Variants in XRN2 observed in about 807,000 individuals in gnomAD.
XRN2 encodes the protein DHM1-like protein.
A neutral mutation model predicts 138.5 loss-of-function variants in XRN2; 44 were observed. The observed-to-expected ratio is 0.32, with a 90% confidence interval of 0.25 to 0.41. XRN2 has a LOEUF of 0.41. Among genes scored for constraint, XRN2 ranks in the 10% least tolerant of loss-of-function variants. The probability of loss-of-function intolerance (pLI) is 1.00; values close to 1 mark genes in which losing one functional copy is unlikely to be tolerated. For missense variants in XRN2, 937 were observed against 1,169.3 expected, an observed-to-expected ratio of 0.80 and a Z score of 2.90; for synonymous variants, 354 against 369.4, an observed-to-expected ratio of 0.96 and a Z score of 0.48.
At position 21,328,665 on chromosome 20, in the gene XRN2, C is replaced by T. The variant is rs1470435743; in HGVS notation, c.422C>T (p.Ala141Val). The change falls in exon 4 of 30, where the codon GCA becomes GTA. Residue 141 changes from alanine to valine, a missense_variant. Physicochemically the swap from Ala to Val is moderately conservative, Grantham distance 64. This residue lies in a region of XRN2 where 471 missense variants were observed against 581.2 expected (regional missense o/e 0.81). Transcript: ENST00000377191. ...CAGCGAGTCAGGGAAGAAATATTGG[C>T]AAAAGGTAAAGAATATGCATCTTGA... ...EKQRVREEILAKGGFLPPEEI... is the reference protein window; with the variant it reads ...EKQRVREEILVKGGFLPPEEI... The T allele has an allele frequency of 6.2e-7, 1 of 1,612,960 alleles. No homozygotes were observed. The highest frequency in any genetic ancestry group is 1.6e-4 in the Middle Eastern group (1 of 6,062).
In XRN2 at chr20:21,326,382, A is replaced by G. The variant is rs745512832; in HGVS notation, c.179A>G (p.His60Arg). ...TATTTGGATATGAATGGAATCATCC[A>G]TCCCTGTACTCATCCTGAAGACAAG... The part of the protein sequence containing the change: ...NLYLDMNGII[H>R]PCTHPEDKPA... Residue 60 changes from histidine (H) to arginine (R), a missense_variant, in exon 2 of 30, where the codon CAT becomes CGT. By Grantham distance (29) the His-to-Arg change is conservative (BLOSUM62 0). Around this residue, in one of 6 missense-constraint regions of XRN2, gnomAD observed 51 missense variants for 93.5 expected, o/e 0.55. Coordinates refer to ENST00000377191, the MANE Select transcript of XRN2 (RefSeq NM_012255.5). 2 of 1,613,868 alleles carry G rather than the reference A, an allele frequency of 1.2e-6. No individual in the cohort carries two copies. Among genetic ancestry groups the G allele is most frequent in the Admixed American group, 1.7e-5 (1 of 60,016 alleles).
chr20:21,333,661 T>C, intron 10 of XRN2, 43 bp downstream of exon 10: 1 of 1,613,940 alleles, frequency 6.2e-7, no homozygotes, highest in South Asian at 1.1e-5. Context: ...TAAAGCAGGG[T>C]GCCTTTGATA....
chr20:21,385,622 T>C (rs6035864), intron 28 of XRN2, among the ~76,000 whole-genome samples: 131,196 of 152,206 alleles, frequency 0.86, 56,881 homozygotes, highest in East Asian at 0.98. Context: ...AGCAGTTCAT[T>C]TCTTCGAATC....
rs754308794 is a variant in XRN2, at chr20:21,330,661, A to C, written c.532A>C (p.Ile178Leu). 6.2e-7 allele frequency: 1 copy of C among 1,613,314 alleles called. No individual in the cohort carries two copies. Among genetic ancestry groups the C allele is most frequent in the Non-Finnish European group, 8.5e-7 (1 of 1,179,958 alleles). ...TCTTGCTAAATGCCTTCGCTATTAC[A>C]TAGCTGATCGTTTAAATAATGACCC... The part of the protein sequence containing the change: ...DNLAKCLRYY[I>L]ADRLNNDPGW... The change falls in exon 6 of 30, where the codon ATA becomes CTA. Residue 178 changes from isoleucine (I) to leucine (L), a missense_variant. This residue lies in a region of XRN2 where 471 missense variants were observed against 581.2 expected (regional missense o/e 0.81). Transcript: ENST00000377191.
At chr20:21,361,647 C>T (rs2038638219) in intron 24 of XRN2, among the ~76,000 whole-genome samples, 1 of 152,112 alleles carries the variant, frequency 6.6e-6, no homozygotes, top group Non-Finnish European at 1.5e-5. Context: ...CCACAAGTAA[C>T]CCTTTTGCTT....
intron 1 of XRN2, 155 bp downstream of exon 1, chr20:21,303,628 G>A (rs1415151007): frequency 7.4e-7 from 1 of 1,359,210 alleles, no homozygotes; most frequent in Non-Finnish European, 9.4e-7. Context: ...ACACGCGATG[G>A]GACGCGGGCT....
chr20:21,383,464 G>A (rs1283795199), intron 28 of XRN2, among the ~76,000 whole-genome samples: 3 of 152,148 alleles, frequency 2.0e-5, no homozygotes, highest in South Asian at 2.1e-4. Flanking sequence ...AATAGATGCT[G>A]TTATGTTTAC....
intron 1 of XRN2, chr20:21,303,774 T>C (rs2037773937): frequency 1.7e-6 from 2 of 1,160,230 alleles, no homozygotes; most frequent in Non-Finnish European, 2.1e-6. Flanking sequence ...GCCCACTGCT[T>C]TGTTTCCTCT....
chr20:21,353,608 C>T (rs1416560471), intron 20 of XRN2, among the ~76,000 whole-genome samples: 1 of 151,680 alleles, frequency 6.6e-6, no homozygotes, highest in East Asian at 1.9e-4. Flanking sequence ...CTGCGTAACA[C>T]AAGGAGACCT....
chr20:21,368,722 G>A (rs944179079), intron 27 of XRN2, 132 bp downstream of exon 27: 2 of 1,251,356 alleles, frequency 1.6e-6, no homozygotes, highest in Middle Eastern at 2.6e-4. Flanking sequence ...ATGTAAGTTA[G>A]AAGAGTTGTG....
At chr20:21,371,984 T>C (rs1347752192) in intron 27 of XRN2, among the ~76,000 whole-genome samples, 1 of 152,252 alleles carries the variant, frequency 6.6e-6, no homozygotes, top group Non-Finnish European at 1.5e-5. Context: ...TTTGCCATTG[T>C]TGTGGCTGTT....
intron 1 of XRN2, among the ~76,000 whole-genome samples, chr20:21,310,229 C>CA (rs2037861325): frequency 6.6e-6 from 1 of 152,242 alleles, no homozygotes; most frequent in Non-Finnish European, 1.5e-5. Context: ...AATTTTCACA[C>CA]ACATGGGAGA....
At chr20:21,317,300 T>C (rs1039716193) in intron 1 of XRN2, among the ~76,000 whole-genome samples, 19 of 77,762 alleles carry the variant, frequency 2.4e-4, no homozygotes, top group Non-Finnish European at 2.4e-4. Flanking sequence ...TCTAGATGAG[T>C]ATTTTTTTTT....
In XRN2 at chr20:21,382,048, G is replaced by A. The variant is rs1339737260; in HGVS notation, c.2639G>A (p.Arg880Lys). Residue 880 changes from arginine (R) to lysine (K), a missense_variant, in exon 28 of 30, where the codon AGG becomes AAG. Around this residue, in one of 6 missense-constraint regions of XRN2, gnomAD observed 372 missense variants for 414.4 expected, o/e 0.90. Transcript: ENST00000377191. ...RGPPPLFQQQ[R>K]FDRGVGAEPL... The stretch of plus-strand genomic sequence containing the variant: ...CCTCCTCCCCTTTTCCAGCAGCAAA[G>A]GTTTGACAGGTAATATTAAAAGTAG... 2.0e-6 allele frequency: 3 copies of A among 1,529,320 alleles called. No homozygotes were observed. Among genetic ancestry groups the A allele is most frequent in the Non-Finnish European group, 1.7e-6 (2 of 1,148,700 alleles). 94.7% of individuals were successfully genotyped at this position (1,529,320 alleles called of 1,614,324 possible). A position where few individuals can be genotyped will look rare whatever the true frequency, so the allele number is the denominator to read the frequency against.
At position 21,356,628 on chromosome 20, in the gene XRN2, A is replaced by G. The variant is rs1250709780; in HGVS notation, c.2161A>G (p.Lys721Glu). The change falls in exon 23 of 30, where the codon AAG becomes GAG. Residue 721 changes from lysine to glutamate, a missense_variant. Lys to Glu is a moderately conservative substitution (Grantham distance 56). Around this residue, in one of 6 missense-constraint regions of XRN2, gnomAD observed 372 missense variants for 414.4 expected, o/e 0.90. Coordinates refer to ENST00000377191, the MANE Select transcript of XRN2 (RefSeq NM_012255.5). ...TGAACTATGTCATGGGATTCAAGGA[A>G]AGTTTTCTTTGGATGAAGAAGCCAT... ...PPELCHGIQG[K>E]FSLDEEAILP... The G allele has an allele frequency of 1.2e-6, 2 of 1,613,760 alleles. No individual in the cohort carries two copies. Among genetic ancestry groups the G allele is most frequent in the Non-Finnish European group, 1.7e-6 (2 of 1,179,740 alleles).
At chr20:21,330,592 AT>A (rs769009634) in intron 5 of XRN2, 23 bp from the exon 6 acceptor site, 6 of 1,613,618 alleles carry the variant, frequency 3.7e-6, no homozygotes, top group Non-Finnish European at 5.1e-6. Flanking sequence ...TGATAGGTTA[AT>A]TTATTTCTTT....
At position 21,365,654 on chromosome 20, in the gene XRN2, C is replaced by T; in HGVS notation, c.2406C>T (p.Asn802=). The T allele has an allele frequency of 6.2e-7, 1 of 1,613,066 alleles. No homozygotes were observed. Among genetic ancestry groups the T allele is most frequent in the Non-Finnish European group, 8.5e-7 (1 of 1,179,910 alleles). ...AGTGGAAGCCTCAGCTTGGCTTTAA[C>T]CGTGACCGGAGGCCTGTGCACCTGG... is the stretch of plus-strand genomic sequence containing the variant. The part of the protein sequence containing the change: ...GRQWKPQLGF[N]RDRRPVHLDQ... Residue 802 remains asparagine (N), a synonymous_variant, in exon 26 of 30, where the codon AAC becomes AAT. Transcript: ENST00000377191.
At position 21,369,867 on chromosome 20, in the gene XRN2, A is replaced by C. The variant is rs538074029; in HGVS notation, c.2584+1277A>C. 7.2e-5 allele frequency among the ~76,000 whole-genome samples: 11 copies of C among 152,190 alleles called. No homozygotes were observed. The South Asian group carries it at 2.3e-3, about 31-fold the overall frequency. On this transcript the variant is annotated intron_variant, in intron 27 of 29. Coordinates refer to ENST00000377191, the MANE Select transcript of XRN2 (RefSeq NM_012255.5). ...TTCCTTTGCTGTGCAGAAGCTTTTT[A>C]ACTTGATGTGATTACATTTGTTCAT...
intron 1 of XRN2, among the ~76,000 whole-genome samples, chr20:21,320,745 C>T (rs1041788577): frequency 6.6e-6 from 1 of 152,116 alleles, no homozygotes; most frequent in Non-Finnish European, 1.5e-5. Context: ...CAGGCATGCA[C>T]CACCACACCT....
Sources: gnomAD v4.1 joint callset for allele counts (sites outside exome capture counted in the v4.1 genomes callset) on GRCh38, gnomAD v4.1.1 for gene constraint, gnomAD v4.1.1 regional missense constraint, MANE v1.5 for transcripts, NCBI Gene and HGNC (gene_info 2026-07-23, HGNC 2026-07-21) for gene names.